Variants in GALNT16 observed in about 807,000 individuals in gnomAD.
GALNT16 encodes UDP-GalNAc:polypeptide N-acetylgalactosaminyltransferase-like protein 1.
Under a neutral mutation model 76.1 loss-of-function variants are expected in GALNT16, and 40 were observed. That is an observed-to-expected ratio of 0.53 (90% CI 0.41 to 0.68). The LOEUF (loss-of-function observed/expected upper bound fraction) is 0.68. Ranked by LOEUF, GALNT16 falls within the 30% of genes least tolerant of loss-of-function variation. GALNT16 has a pLI of 0.00. For missense variants in GALNT16, 621 were observed against 731.9 expected (o/e 0.85, Z 1.75); for synonymous variants, 276 against 285.2 (o/e 0.97, Z 0.32).
At position 69,352,007 on chromosome 14, in the gene GALNT16, C is replaced by T. The variant is rs189014768; in HGVS notation, c.1540-24C>T. 3.7e-4 allele frequency: 596 copies of T among 1,598,598 alleles called. 1 individual carries two copies. In the African/African-American group the frequency reaches 7.2e-3, roughly 19 times the overall value. Reference sequence around the variant, plus strand: ...AAATCATTGTTTTCTCCTTCCTCTTCTAACCCATCTCTGTTCCTCCTAGAA... The same window carrying T: ...AAATCATTGTTTTCTCCTTCCTCTTTTAACCCATCTCTGTTCCTCCTAGAA... On this transcript the variant is annotated intron_variant, in intron 14 of 14. Transcript: ENST00000448469.
intron 1 of GALNT16, among the ~76,000 whole-genome samples, chr14:69,284,265 C>T (rs1009981099): frequency 4.6e-5 from 7 of 152,306 alleles, no homozygotes; most frequent in African/African-American, 1.7e-4. Flanking sequence ...TGCTACCCTC[C>T]AGACTCCAGA....
At chr14:69,381,204 C>T in the GALNT16 span, among the ~76,000 whole-genome samples, 160 of 152,110 alleles carry the variant, frequency 1.1e-3, 4 homozygotes, top group South Asian at 0.032. Context: ...TTGCTTCAAC[C>T]GGTGGAGGAT....
chr14:69,274,288 G>A (rs929041359), intron 1 of GALNT16, among the ~76,000 whole-genome samples: 2 of 152,144 alleles, frequency 1.3e-5, no homozygotes, highest in African/African-American at 4.8e-5. Context: ...CTTGTAATAT[G>A]TTATTATTTG....
the GALNT16 span, among the ~76,000 whole-genome samples, chr14:69,381,254 A>G: frequency 3.3e-5 from 5 of 152,212 alleles, no homozygotes; most frequent in African/African-American, 9.6e-5. Flanking sequence ...CCTGTGAGTG[A>G]GACTCCATCT....
At chr14:69,366,419 C>G in the GALNT16 span, among the ~76,000 whole-genome samples, 1 of 152,222 alleles carries the variant, frequency 6.6e-6, no homozygotes, top group Non-Finnish European at 1.5e-5. Context: ...CCGACTCTGC[C>G]TGAGGGGCTC....
chr14:69,293,079 T>C (rs1566867653), intron 1 of GALNT16, among the ~76,000 whole-genome samples: 1 of 71,586 alleles, frequency 1.4e-5, no homozygotes, highest in African/African-American at 6.2e-5. Context: ...TCCAAGCAGG[T>C]TTTTTTTTCC....
At chr14:69,383,132 T>C in the GALNT16 span, among the ~76,000 whole-genome samples, 1 of 152,212 alleles carries the variant, frequency 6.6e-6, no homozygotes, top group Non-Finnish European at 1.5e-5. Flanking sequence ...AAGGGCATTA[T>C]TTTCATCTTA....
At position 69,341,781 on chromosome 14, in the gene GALNT16, T is replaced by C; in HGVS notation, c.1271+17T>C. The C allele has an allele frequency of 6.3e-7, 1 of 1,583,646 alleles. No homozygotes were observed. Among genetic ancestry groups the C allele is most frequent in the South Asian group, 1.1e-5 (1 of 89,720 alleles). On this transcript the variant is annotated intron_variant, in intron 12 of 14. Transcript: ENST00000448469. ...AGAGCTCACGTGAGTGCAGCCCTCA[T>C]CTTGTGCATCCCCCAGGCGGGTAGG...
chr14:69,383,903 T>A, the GALNT16 span, among the ~76,000 whole-genome samples: 6 of 152,168 alleles, frequency 3.9e-5, no homozygotes, highest in Admixed American at 6.5e-5. Context: ...ATATCACTCC[T>A]TGGGGAGGCT....
At chr14:69,377,800 G>T in the GALNT16 span, among the ~76,000 whole-genome samples, 1 of 60,036 alleles carries the variant, frequency 1.7e-5, no homozygotes, top group Non-Finnish European at 2.8e-5. Flanking sequence ...GAGTGAGACT[G>T]TCTCAAAAAA....
chr14:69,352,034 T>C lies in GALNT16; in HGVS notation c.1543T>C (p.Trp515Arg), dbSNP rs2045643860. 6.2e-7 allele frequency: 1 copy of C among 1,610,314 alleles called. No individual in the cohort carries two copies. Among genetic ancestry groups the C allele is most frequent in the Non-Finnish European group, 8.5e-7 (1 of 1,177,940 alleles). The change falls in exon 15 of 15, where the codon TGG becomes CGG. Residue 515 changes from tryptophan to arginine, a missense_variant. By Grantham distance (101) the Trp-to-Arg change is moderately radical. Coordinates refer to ENST00000448469, the MANE Select transcript of GALNT16 (RefSeq NM_001168368.2). Reference protein sequence around the residue: ...MCNPREGKQKWRRKGSFIQHS... With the variant: ...MCNPREGKQKRRRKGSFIQHS... ...AACCCATCTCTGTTCCTCCTAGAAA[T>C]GGAGGAGAAAAGGATCTTTCATCCA...
chr14:69,380,571 G>T, the GALNT16 span: 2 of 1,610,350 alleles, frequency 1.2e-6, no homozygotes, highest in Admixed American at 1.7e-5. Context: ...GCCGACGAAG[G>T]AGCACGTAGA....
chr14:69,371,739 T>G, the GALNT16 span, among the ~76,000 whole-genome samples: 51 of 149,754 alleles, frequency 3.4e-4, no homozygotes, highest in Middle Eastern at 3.4e-3. Context: ...AGGTCAGGAG[T>G]TGGAGACCAG....
At chr14:69,303,952 T>C (rs1343390713) in intron 1 of GALNT16, among the ~76,000 whole-genome samples, 1 of 152,196 alleles carries the variant, frequency 6.6e-6, no homozygotes, top group African/African-American at 2.4e-5. Context: ...CATTTAACTG[T>C]GTCTAGTGAA....
Position 69,333,153 on chromosome 14 carries a change from C to G in GALNT16, c.847C>G (p.Pro283Ala), listed in dbSNP as rs760712045. ...TGAGCAGAAGATGACCCGGACAGAC[C>G]CCACCAGGCCCATAAGGTCAGAGCT... is the stretch of plus-strand genomic sequence containing the variant. ...PLEQKMTRTD[P>A]TRPIRTPVIA... The change falls in exon 8 of 15, where the codon CCC (proline) becomes GCC (alanine). Residue 283 changes from proline to alanine, a missense_variant. By Grantham distance (27) the Pro-to-Ala change is conservative. Transcript: ENST00000448469. The surrounding 1 kb of genome is among the most constrained non-coding windows in gnomAD (Gnocchi z 4.2). 1 of 1,611,078 alleles carries G rather than the reference C, an allele frequency of 6.2e-7. No homozygotes were observed. The highest frequency in any genetic ancestry group is 8.5e-7 in the Non-Finnish European group (1 of 1,177,730).
intron 1 of GALNT16, among the ~76,000 whole-genome samples, chr14:69,308,658 G>A (rs964332905): frequency 6.6e-6 from 1 of 152,138 alleles, no homozygotes; most frequent in Non-Finnish European, 1.5e-5. Context: ...CTAATGCCTA[G>A]AAATATAAGG....
chr14:69,333,235 G>T lies in GALNT16; in HGVS notation c.863+66G>T. The T allele has an allele frequency of 8.7e-7, 1 of 1,147,954 alleles. No individual in the cohort carries two copies. The highest frequency in any genetic ancestry group is 1.4e-5 in the South Asian group (1 of 70,694). The allele number at this position is 1,147,954 out of a possible 1,614,324, so 71.1% of individuals were successfully genotyped here. A position where few individuals can be genotyped will look rare whatever the true frequency, so the allele number is the denominator to read the frequency against. On this transcript the variant is annotated intron_variant, in intron 8 of 14. Coordinates refer to ENST00000448469, the MANE Select transcript of GALNT16 (RefSeq NM_001168368.2). This position sits in a 1 kb window ranked among gnomAD's most constrained non-coding sequence, Gnocchi z 4.2. Reference sequence around the variant, plus strand: ...TGGGTCAGGGGCCTGGGAGGCTCTTGGGAGGCTGTATCGGTCGCTTGGGCT... The same window carrying T: ...TGGGTCAGGGGCCTGGGAGGCTCTTTGGAGGCTGTATCGGTCGCTTGGGCT...
Position 69,338,734 on chromosome 14 carries a change from C to T in GALNT16, c.1051C>T (p.His351Tyr), listed in dbSNP as rs1484845278. The T allele has an allele frequency of 6.2e-7, 1 of 1,613,926 alleles. No homozygotes were observed. Among genetic ancestry groups the T allele is most frequent in the Non-Finnish European group, 8.5e-7 (1 of 1,179,922 alleles). The change falls in exon 10 of 15, where the codon CAC becomes TAC. Residue 351 changes from histidine to tyrosine, a missense_variant. Coordinates refer to ENST00000448469, the MANE Select transcript of GALNT16 (RefSeq NM_001168368.2). Reference protein sequence around the residue: ...SRVGHVFRKRHPYNFPEGNAL... With the variant: ...SRVGHVFRKRYPYNFPEGNAL... ...GGTGGGCCATGTCTTCAGGAAACGG[C>T]ACCCCTACAACTTCCCTGAGGGTAA...
At chr14:69,262,526 C>T (rs964231498) in intron 1 of GALNT16, among the ~76,000 whole-genome samples, 2 of 152,146 alleles carry the variant, frequency 1.3e-5, no homozygotes, top group African/African-American at 4.8e-5. Context: ...GGTCTCAGAG[C>T]GGGAAGCTAA....
Sources: allele counts gnomAD v4.1 joint callset (sites outside exome capture counted in the v4.1 genomes callset), GRCh38; gene constraint gnomAD v4.1.1; non-coding constraint Gnocchi (gnomAD v3.1); transcripts MANE v1.5; gene names NCBI Gene and HGNC (gene_info 2026-07-23, HGNC 2026-07-21).